The following MOK variants were observed in gnomAD, a reference collection of about 807,000 sequenced individuals.
MOK encodes the protein MAPK/MAK/MRK overlapping kinase.
Under a neutral mutation model 54.2 loss-of-function variants are expected in MOK, and 59 were observed. The ratio of observed to expected loss-of-function variants is 1.09; its 90% confidence interval spans 0.88 to 1.35. The LOEUF (loss-of-function observed/expected upper bound fraction) is 1.35, where lower values mean the gene tolerates loss of function less well. Among genes scored for constraint, MOK ranks in the 40% most tolerant of loss-of-function variants. The probability of loss-of-function intolerance (pLI) is 0.00; values close to 1 mark genes in which losing one functional copy is unlikely to be tolerated. For missense variants in MOK, 517 were observed against 526.2 expected, an observed-to-expected ratio of 0.98 and a Z score of 0.17; for synonymous variants, 210 against 202.7, an observed-to-expected ratio of 1.04 and a Z score of -0.31.
chr14:102,304,129 T>C (rs1477883403), intron 1 of MOK, among the ~76,000 whole-genome samples: 1 of 152,230 alleles, frequency 6.6e-6, no homozygotes, highest in Non-Finnish European at 1.5e-5. Context: ...ATTTTAAATG[T>C]TATGCAATGT....
At chr14:102,256,718 A>G (rs1380095831) in intron 4 of MOK, among the ~76,000 whole-genome samples, 1 of 136,152 alleles carries the variant, frequency 7.3e-6, no homozygotes, top group Admixed American at 6.8e-5. Flanking sequence ...TTTAACTTGA[A>G]ACAGTTAAAA....
chr14:102,296,357 C>T (rs897537808), intron 1 of MOK, among the ~76,000 whole-genome samples: 2 of 151,654 alleles, frequency 1.3e-5, no homozygotes, highest in African/African-American at 4.9e-5. Context: ...AATGTAATCC[C>T]ATTTGATTTT....
intron 7 of MOK, among the ~76,000 whole-genome samples, chr14:102,234,548 G>C (rs2065039822): frequency 6.6e-6 from 1 of 151,992 alleles, no homozygotes; most frequent in Non-Finnish European, 1.5e-5. Flanking sequence ...TTCCTGACAA[G>C]TTCCGCGGGA....
chr14:102,247,244 T>TG (rs1317498061), intron 7 of MOK, among the ~76,000 whole-genome samples: 5 of 151,996 alleles, frequency 3.3e-5, no homozygotes, highest in Non-Finnish European at 5.9e-5. Flanking sequence ...CAGCTCTAGC[T>TG]GGGGCCCTAG....
chr14:102,243,546 A>G (rs2065873111), intron 7 of MOK, among the ~76,000 whole-genome samples: 1 of 152,140 alleles, frequency 6.6e-6, no homozygotes, highest in African/African-American at 2.4e-5. Context: ...CTCACTCTCT[A>G]CAGCCCTCAT....
chr14:102,289,710 G>C (rs931680101), intron 1 of MOK, among the ~76,000 whole-genome samples: 1 of 151,634 alleles, frequency 6.6e-6, no homozygotes, highest in Non-Finnish European at 1.5e-5. Context: ...GGCTGGTCTC[G>C]AACTCCTAAC....
intron 3 of MOK, chr14:102,264,676 A>C (rs2067756846): frequency 6.6e-6 from 1 of 152,252 alleles, no homozygotes; most frequent in Admixed American, 6.5e-5. Context: ...GCCCAAATTG[A>C]CTTCTAAGAA....
At chr14:102,280,091 C>T (rs953825238) in intron 2 of MOK, among the ~76,000 whole-genome samples, 4 of 151,748 alleles carry the variant, frequency 2.6e-5, no homozygotes, top group Non-Finnish European at 4.4e-5. Context: ...CGGATTTTTG[C>T]GTGTGTGCGG....
chr14:102,268,355 CCT>C (rs1348136153), intron 2 of MOK, among the ~76,000 whole-genome samples: 1 of 151,328 alleles, frequency 6.6e-6, no homozygotes, highest in Non-Finnish European at 1.5e-5. Context: ...AACTCTGTCC[CCT>C]CTTTTAAAAT....
chr14:102,298,734 T>C (rs1032523241), intron 1 of MOK, among the ~76,000 whole-genome samples: 5 of 152,258 alleles, frequency 3.3e-5, no homozygotes, highest in East Asian at 1.9e-4. Context: ...CCTTCCACAA[T>C]GTGGAAGCTT....
intron 2 of MOK, among the ~76,000 whole-genome samples, chr14:102,272,383 G>A (rs1479624009): frequency 6.6e-6 from 1 of 151,800 alleles, no homozygotes; most frequent in Non-Finnish European, 1.5e-5. Flanking sequence ...AGCTACTTGG[G>A]AGCCTGAAGC....
downstream of MOK, among the ~76,000 whole-genome samples, chr14:102,224,094 T>G (rs1022323317): frequency 2.1e-5 from 3 of 146,014 alleles, no homozygotes; most frequent in Middle Eastern, 3.6e-3. Context: ...CAGGCTGGAG[T>G]GCAGTGGCGC....
At chr14:102,224,894 A>C, downstream of MOK, 1 of 430,902 alleles carries the variant, frequency 2.3e-6, no homozygotes, top group Non-Finnish European at 4.6e-6. Flanking sequence ...CTGTATTAAA[A>C]TAAGATATTA....
chr14:102,255,711 T>A (rs374161887), intron 4 of MOK, among the ~76,000 whole-genome samples: 4 of 152,152 alleles, frequency 2.6e-5, no homozygotes, highest in African/African-American at 9.7e-5. Flanking sequence ...CTGGTTCCCA[T>A]CAGATTCTTG....
Position 102,232,431 on chromosome 14 carries a change from G to T in MOK, c.866+104C>A. ...TCAGGATAGAGAGCGCGATTCCCAA[G>T]AACCAGGGACCCTCCAGGGGGCAGT... On this transcript the variant is annotated intron_variant, in intron 9 of 11. Coordinates refer to ENST00000361847, the MANE Select transcript of MOK (RefSeq NM_014226.3). This position sits in a 1 kb window ranked among gnomAD's most constrained non-coding sequence, Gnocchi z 5.1. The T allele has an allele frequency of 7.3e-7, 1 of 1,366,008 alleles. No homozygotes were observed. The highest frequency in any genetic ancestry group is 1.5e-5 in the South Asian group (1 of 66,752). The allele number at this position is 1,366,008 out of a possible 1,614,324, so 84.6% of individuals were successfully genotyped here.
At chr14:102,303,628 A>G (rs758144651) in intron 1 of MOK, among the ~76,000 whole-genome samples, 5 of 152,228 alleles carry the variant, frequency 3.3e-5, no homozygotes, top group Non-Finnish European at 5.9e-5. Context: ...GTATTGTATC[A>G]TTGTTAAATT....
chr14:102,255,739 AC>A (rs2066899513), intron 4 of MOK, among the ~76,000 whole-genome samples: 1 of 152,196 alleles, frequency 6.6e-6, no homozygotes, highest in African/African-American at 2.4e-5. Flanking sequence ...ACAGTTTGAA[AC>A]AAGTAAAATA....
chr14:102,262,233 C>A (rs1023118045), intron 4 of MOK, among the ~76,000 whole-genome samples: 1 of 152,162 alleles, frequency 6.6e-6, no homozygotes, highest in African/African-American at 2.4e-5. Flanking sequence ...GCAACCCCCG[C>A]CTCCTAGGTT....
At chr14:102,293,779 A>G (rs1163004865) in intron 1 of MOK, among the ~76,000 whole-genome samples, 2 of 151,284 alleles carry the variant, frequency 1.3e-5, no homozygotes, top group African/African-American at 4.8e-5. Flanking sequence ...TAATTTTTTT[A>G]ATGTATCTGA....
Sources: allele counts gnomAD v4.1 joint callset (sites outside exome capture counted in the v4.1 genomes callset), GRCh38; gene constraint gnomAD v4.1.1; non-coding constraint Gnocchi (gnomAD v3.1); transcripts MANE v1.5; gene names NCBI Gene and HGNC (gene_info 2026-07-23, HGNC 2026-07-21).